Variants in DNASE1 observed in about 807,000 individuals in gnomAD.
DNASE1 encodes the protein deoxyribonuclease-1.
In DNASE1, 40 loss-of-function variants were observed where a neutral mutation model predicts 33.9. The ratio of observed to expected loss-of-function variants is 1.18; its 90% CI spans 0.92 to 1.54. The LOEUF is 1.54. Among genes scored for constraint, DNASE1 ranks in the 40% most tolerant of loss-of-function variants. The pLI is 0.00. For synonymous variants in DNASE1, 216 were observed against 160.0 expected (o/e 1.35, Z -2.64); for missense variants, 518 against 372.6 (o/e 1.39, Z -3.21).
downstream of DNASE1, chr16:3,658,476 G>A (rs1567215628): frequency 1.6e-5 from 9 of 580,184 alleles, no homozygotes; most frequent in East Asian, 2.6e-4. Context: ...GAGGTCAGGA[G>A]ATTGAGACCA....
rs1389294439 is a variant in DNASE1 at position 3,646,072 on chromosome 16, A to C, written c.-86+3036A>C. Among the ~76,000 whole-genome samples the C allele has an allele frequency of 3.9e-5, 6 of 152,138 alleles. No homozygotes were observed. In the East Asian group the frequency reaches 1.2e-3, roughly 29 times the overall value. ...AGAGCCAGCCGAGTAGAGCCAGCCG[A>C]GGGCAGATAGGTCTTGTAGGGCTGT... On this transcript the variant is annotated intron_variant, in intron 1 of 9. Transcript: ENST00000407479.
chr16:3,646,641 G>A (rs1010474616), intron 1 of DNASE1, among the ~76,000 whole-genome samples: 1 of 152,184 alleles, frequency 6.6e-6, no homozygotes, highest in African/African-American at 2.4e-5. Flanking sequence ...TGGATTTCGT[G>A]TTAGGGACAA....
At chr16:3,617,244 T>C (rs1379823761) in intron 1 of DNASE1, among the ~76,000 whole-genome samples, 1 of 143,316 alleles carries the variant, frequency 7.0e-6, no homozygotes, top group Non-Finnish European at 1.5e-5. Flanking sequence ...GAGAATCGCT[T>C]GAACCCGGGA....
intron 1 of DNASE1, among the ~76,000 whole-genome samples, chr16:3,612,537 C>T (rs367599660): frequency 8.1e-5 from 12 of 147,852 alleles, no homozygotes; most frequent in African/African-American, 2.8e-4. Context: ...AGGCGTGAGC[C>T]ACCGCTCACG....
upstream of DNASE1, chr16:3,654,312 C>T (rs2042457582): frequency 2.5e-6 from 1 of 398,426 alleles, no homozygotes; most frequent in Non-Finnish European, 4.4e-6. Context: ...TGTCCTGGCC[C>T]CACGGCGCTG....
upstream of DNASE1, among the ~76,000 whole-genome samples, chr16:3,641,968 T>G (rs143515960): frequency 3.8e-3 from 575 of 152,348 alleles, 3 homozygotes; most frequent in African/African-American, 0.013. Flanking sequence ...AGCACTGCCT[T>G]GGCCTTGGCC....
chr16:3,657,826 C>T lies in DNASE1; in HGVS notation c.801+10C>T. 1 of 1,613,916 alleles carries T rather than the reference C, an allele frequency of 6.2e-7. No individual in the cohort carries two copies. The highest frequency in any genetic ancestry group is 8.5e-7 in the Non-Finnish European group (1 of 1,179,948). ...CCTGAGTGACCAACTGGTATGTGTC[C>T]TCCCTTGCACAGCCACATGAGGATG... On this transcript the variant is annotated intron_variant, in intron 8 of 8. Coordinates refer to ENST00000246949, the MANE Select transcript of DNASE1 (RefSeq NM_005223.4).
chr16:3,613,563 GCT>G (rs1177320094), intron 1 of DNASE1, among the ~76,000 whole-genome samples: 8 of 152,288 alleles, frequency 5.3e-5, no homozygotes, highest in African/African-American at 1.9e-4. Flanking sequence ...GTGTTTACTT[GCT>G]CTCTGGCTTG....
chr16:3,615,532 A>C (rs775267832), intron 1 of DNASE1, among the ~76,000 whole-genome samples: 1 of 152,192 alleles, frequency 6.6e-6, no homozygotes, highest in Non-Finnish European at 1.5e-5. Context: ...CCCTGTCAGC[A>C]TTTGAGGCGG....
chr16:3,655,970 A>C (rs200087684), intron 3 of DNASE1, 33 bp downstream of exon 3: 1 of 1,613,334 alleles, frequency 6.2e-7, no homozygotes, highest in East Asian at 2.2e-5. Context: ...TAGGAAGGTG[A>C]CATCTCGTCC....
At chr16:3,613,310 CT>C (rs1451408197) in intron 1 of DNASE1, among the ~76,000 whole-genome samples, 1 of 152,190 alleles carries the variant, frequency 6.6e-6, no homozygotes, top group Non-Finnish European at 1.5e-5. Context: ...TACTGCATGC[CT>C]TTTCATGGCT....
downstream of DNASE1, chr16:3,662,754 A>C (rs754633523): frequency 7.0e-6 from 6 of 862,128 alleles, no homozygotes; most frequent in Non-Finnish European, 1.1e-5. Flanking sequence ...CAGGGTCTCC[A>C]CCTGACACCA....
At chr16:3,655,627 AGC>A (rs1489145255) in intron 2 of DNASE1, 107 bp downstream of exon 2, 54 of 1,542,530 alleles carry the variant, frequency 3.5e-5, no homozygotes, top group Non-Finnish European at 4.4e-5. Flanking sequence ...TGGGGTACTG[AGC>A]ACCACTGCTC....
chr16:3,662,935 C>CCTCCGT, downstream of DNASE1: 1 of 1,612,708 alleles, frequency 6.2e-7, no homozygotes, highest in Non-Finnish European at 8.5e-7. Flanking sequence ...GCCATGAGCT[C>CCTCCGT]CTCCGTCTCC....
chr16:3,656,830 C>T, intron 5 of DNASE1, 77 bp downstream of exon 5: 1 of 1,542,314 alleles, frequency 6.5e-7, no homozygotes. Context: ...ACCTGGAATG[C>T]CTGTGTCACA....
At chr16:3,654,644 CTTG>C (rs1458464073), upstream of DNASE1, 1 of 398,992 alleles carries the variant, frequency 2.5e-6, no homozygotes, top group Non-Finnish European at 4.4e-6. Flanking sequence ...AACCTTTGGC[CTTG>C]TTATCAGACA....
chr16:3,621,549 A>G (rs1318883617), intron 1 of DNASE1, among the ~76,000 whole-genome samples: 4 of 152,154 alleles, frequency 2.6e-5, no homozygotes. Flanking sequence ...ACAAATATAA[A>G]TATATATCCC....
At chr16:3,660,386 C>T (rs376803289), downstream of DNASE1, 4 of 152,260 alleles carry the variant, frequency 2.6e-5, no homozygotes, top group East Asian at 5.8e-4. Context: ...CCTGTAATCC[C>T]ACCACTTTGG....
At chr16:3,654,115 A>T (rs188117528), upstream of DNASE1, 25 of 333,632 alleles carry the variant, frequency 7.5e-5, no homozygotes, top group Non-Finnish European at 2.7e-5. Flanking sequence ...TGTCTCAAAA[A>T]CAATAAAAAC....
Sources: allele counts gnomAD v4.1 joint callset (sites outside exome capture counted in the v4.1 genomes callset), GRCh38; gene constraint gnomAD v4.1.1; transcripts MANE v1.5; gene names NCBI Gene and HGNC (gene_info 2026-07-23, HGNC 2026-07-21).